Variants in ZNF540 observed in about 807,000 individuals in gnomAD.
ZNF540 encodes the protein zinc finger protein 540, also known as CTD-3064H18.6.
A neutral mutation model predicts 11.8 loss-of-function variants in ZNF540; 3 were observed. The ratio of observed to expected loss-of-function variants is 0.25; its 90% confidence interval spans 0.12 to 0.65. The LOEUF is 0.65. Ranked by LOEUF, ZNF540 falls within the 30% of genes least tolerant of loss-of-function variation. ZNF540 has a pLI of 0.83. For missense variants in ZNF540, 709 were observed against 793.1 expected (o/e 0.89, Z 1.27); for synonymous variants, 247 against 259.0 (o/e 0.95, Z 0.45).
At chr19:37,553,463 G>A (rs1189295624) in intron 1 of ZNF540, among the ~76,000 whole-genome samples, 1 of 151,870 alleles carries the variant, frequency 6.6e-6, no homozygotes, top group South Asian at 2.1e-4. Context: ...GAAGTATTTA[G>A]GCCATTAACA....
intron 4 of ZNF540, among the ~76,000 whole-genome samples, chr19:37,603,154 C>A (rs564588022): frequency 2.0e-5 from 3 of 152,080 alleles, no homozygotes; most frequent in East Asian, 3.9e-4. Flanking sequence ...ATTACAGGCG[C>A]CTGCCACCAC....
chr19:37,594,663 C>T (rs1352930106), upstream of ZNF540: 3 of 152,466 alleles, frequency 2.0e-5, no homozygotes, highest in African/African-American at 7.2e-5. Flanking sequence ...CCGGTATTCC[C>T]AGCACCATAC....
At chr19:37,601,304 C>T (rs2044037985) in intron 4 of ZNF540, 199 bp downstream of exon 4, 1 of 457,904 alleles carries the variant, frequency 2.2e-6, no homozygotes, top group Non-Finnish European at 3.8e-6. Context: ...TTGGCTCCTA[C>T]TTACCACCTG....
intron 1 of ZNF540, among the ~76,000 whole-genome samples, chr19:37,597,179 G>A (rs573811842): frequency 9.9e-5 from 15 of 151,210 alleles, no homozygotes; most frequent in African/African-American, 3.6e-4. Flanking sequence ...TTTTTTTATT[G>A]CTTCCAGGGC....
intron 1 of ZNF540, chr19:37,555,834 T>C (rs1015672535): frequency 2.9e-6 from 2 of 694,100 alleles, no homozygotes; most frequent in South Asian, 1.5e-5. Flanking sequence ...TGGACAGTTA[T>C]AGTAAGAGGA....
intron 4 of ZNF540, among the ~76,000 whole-genome samples, chr19:37,609,257 C>T (rs1283718481): frequency 6.6e-6 from 1 of 152,056 alleles, no homozygotes; most frequent in African/African-American, 2.4e-5. Context: ...AAAGAAAGTA[C>T]AGTGGGCCGG....
chr19:37,581,210 T>C (rs1005012346), intron 1 of ZNF540, among the ~76,000 whole-genome samples: 11 of 152,232 alleles, frequency 7.2e-5, no homozygotes, highest in African/African-American at 2.7e-4. Flanking sequence ...TTCTAATCAT[T>C]TCATTCCCAA....
intron 4 of ZNF540, 94 bp from the exon 5 acceptor site, chr19:37,611,419 C>T (rs575769347): frequency 1.8e-5 from 18 of 986,522 alleles, no homozygotes; most frequent in Admixed American, 1.1e-4. Flanking sequence ...TAGTAAGAAC[C>T]GTTTTCACTT....
chr19:37,598,456 T>C lies in ZNF540; in HGVS notation c.9T>C (p.His3=). 1 of 1,614,066 alleles carries C rather than the reference T, an allele frequency of 6.2e-7. No homozygotes were observed. Among genetic ancestry groups the C allele is most frequent in the East Asian group, 2.2e-5 (1 of 44,870 alleles). MA[H]ALVTFRDVAI... is the part of the protein sequence containing the mutation. ...CTTGTGAGTGTAAAACCATGGCCCA[T>C]GTAAGTCACAGTTTCTCTTTCCTTT... The change falls in exon 2 of 5, where the codon CAT becomes CAC. Residue 3 remains histidine (H), a splice_region_variant and synonymous_variant. Transcript: ENST00000316433.
intron 4 of ZNF540, among the ~76,000 whole-genome samples, chr19:37,608,867 C>T (rs930847227): frequency 2.0e-5 from 3 of 152,116 alleles, no homozygotes; most frequent in Admixed American, 6.5e-5. Flanking sequence ...AGAAAATACC[C>T]TAACCTCAGG....
intron 1 of ZNF540, chr19:37,565,618 C>T: frequency 6.2e-7 from 1 of 1,613,348 alleles, no homozygotes; most frequent in Non-Finnish European, 8.5e-7. Context: ...TATGAATTCT[C>T]TGATGAAGAG....
Position 37,588,158 on chromosome 19 carries a change from T to C in ZNF540, c.-72-10218T>C, listed in dbSNP as rs1600534008. ...ATGGGTTAAAATAATATATATAAAA[T>C]GATATAAAGATGTTAACCTCTGCAA... is the stretch of plus-strand genomic sequence containing the variant. On this transcript the variant is annotated intron_variant, in intron 1 of 4. Coordinates refer to the ZNF540 transcript ENST00000592533. Among the ~76,000 whole-genome samples, 2 of 115,212 alleles carry C rather than the reference T, an allele frequency of 1.7e-5. 1 individual carries two copies. The highest frequency in any genetic ancestry group is 3.8e-5 in the Non-Finnish European group (2 of 52,736). 75.6% of individuals were successfully genotyped at this position (115,212 alleles called of 152,430 possible).
chr19:37,562,813 T>C (rs559832018), intron 1 of ZNF540: 2 of 152,370 alleles, frequency 1.3e-5, no homozygotes, highest in South Asian at 4.1e-4. Flanking sequence ...TCATGTATTA[T>C]ATTTTTCAAA....
chr19:37,566,310 G>A (rs1280288024), intron 1 of ZNF540: 1 of 1,566,088 alleles, frequency 6.4e-7, no homozygotes, highest in Non-Finnish European at 8.6e-7. Flanking sequence ...TAAAAAGAAA[G>A]CAAATTCCTG....
chr19:37,555,980 G>T (rs1392056272), intron 1 of ZNF540: 1 of 701,368 alleles, frequency 1.4e-6, no homozygotes, highest in Non-Finnish European at 2.6e-6. Flanking sequence ...TATCTCGACA[G>T]CTAGTGTCAG....
chr19:37,562,982 C>T (rs1291919428), intron 1 of ZNF540: 1 of 152,014 alleles, frequency 6.6e-6, no homozygotes, highest in African/African-American at 2.4e-5. Context: ...TGAAAACATA[C>T]TGTTTTTCCT....
At chr19:37,596,993 A>G (rs888990657) in intron 1 of ZNF540, among the ~76,000 whole-genome samples, 2 of 152,228 alleles carry the variant, frequency 1.3e-5, no homozygotes, top group Non-Finnish European at 2.9e-5. Context: ...CAGTTGAAAA[A>G]GAACTGGCTT....
intron 1 of ZNF540, chr19:37,583,918 T>C (rs981347576): frequency 6.5e-7 from 1 of 1,530,164 alleles, no homozygotes; most frequent in Non-Finnish European, 8.8e-7. Context: ...TCACAATGAA[T>C]GAGGCAGAAA....
At chr19:37,608,848 A>G (rs1473899007) in intron 4 of ZNF540, among the ~76,000 whole-genome samples, 1 of 152,112 alleles carries the variant, frequency 6.6e-6, no homozygotes, top group Admixed American at 6.5e-5. Context: ...GTTATGATCT[A>G]TCTACTTGAG....
Sources: gnomAD v4.1 joint callset for allele counts (sites outside exome capture counted in the v4.1 genomes callset) on GRCh38, gnomAD v4.1.1 for gene constraint, MANE v1.5 for transcripts, NCBI Gene and HGNC (gene_info 2026-07-23, HGNC 2026-07-21) for gene names.